CNTNAP1: variants seen among roughly 807,000 people sequenced by gnomAD.
The protein encoded by CNTNAP1 is contactin associated protein 1.
In CNTNAP1, 80 loss-of-function variants were observed where a neutral mutation model predicts 161.5. The ratio of observed to expected loss-of-function variants is 0.50; its 90% CI spans 0.41 to 0.60. CNTNAP1 has a LOEUF of 0.60. CNTNAP1 is among the 20% of genes least tolerant of loss of function. CNTNAP1 has a pLI of 0.00. For synonymous variants in CNTNAP1, 695 were observed against 733.1 expected (o/e 0.95, Z 0.84); for missense variants, 1,464 against 1,854.8 (o/e 0.79, Z 3.87).
Position 42,699,146 on chromosome 17 carries a change from G to T in CNTNAP1, c.*236G>T. 2.3e-6 allele frequency: 1 copy of T among 438,904 alleles called. No homozygotes were observed. Among genetic ancestry groups the T allele is most frequent in the Non-Finnish European group, 4.0e-6 (1 of 250,472 alleles). 27.2% of individuals were successfully genotyped at this position (438,904 alleles called of 1,614,324 possible). On this transcript the variant is annotated 3_prime_UTR_variant, in exon 24 of 24. Transcript: ENST00000264638. ...TCATCCCTGTTTCCCCAGGCTCCTG[G>T]CTGTTTATCTGCCCCAAAGGAGAAG...
chr17:42,695,564 C>T lies in CNTNAP1; in HGVS notation c.3036C>T (p.Asn1012=), dbSNP rs149244708. 13 of 1,613,582 alleles carry T rather than the reference C, an allele frequency of 8.1e-6. No individual in the cohort carries two copies. Among genetic ancestry groups the T allele is most frequent in the Middle Eastern group, 1.7e-4 (1 of 6,060 alleles). Reference sequence around the variant, plus strand: ...AGCCGGGCACCTGGATGCGCTATAACCTACAGTCAGCGCTGCGCTCTGCAG... The same window carrying T: ...AGCCGGGCACCTGGATGCGCTATAATCTACAGTCAGCGCTGCGCTCTGCAG... ...FFEPGTWMRY[N]LQSALRSAAR... is the part of the protein sequence containing the mutation. The change falls in exon 19 of 24, where the codon AAC becomes AAT. Residue 1012 remains asparagine (N), a synonymous_variant. Transcript: ENST00000264638.
chr17:42,682,993 C>T, intron 1 of CNTNAP1, 97 bp downstream of exon 1: 1 of 1,185,370 alleles, frequency 8.4e-7, no homozygotes, highest in African/African-American at 1.6e-5. Context: ...GTCGCGGGTC[C>T]TTCCCGGCCG....
Position 42,695,650 on chromosome 17 carries a change from C to G in CNTNAP1, c.3122C>G (p.Pro1041Arg), listed in dbSNP as rs765066448. 1 of 1,614,150 alleles carries G rather than the reference C, an allele frequency of 6.2e-7. No individual in the cohort carries two copies. Among genetic ancestry groups the G allele is most frequent in the Non-Finnish European group, 8.5e-7 (1 of 1,180,018 alleles). Residue 1041 changes from proline (P) to arginine (R), a missense_variant, in exon 19 of 24, where the codon CCG becomes CGG. Physicochemically the swap from Pro to Arg is moderately radical, Grantham distance 103. Around this residue, in one of 3 missense-constraint regions of CNTNAP1, gnomAD observed 1,383 missense variants for 1,765.0 expected, o/e 0.78. Transcript: ENST00000264638. ...CCAGGCTATGAGCCTGGCTACATCC[C>G]GGGCTATGATACTCCGGGCTATGTG... ...PVPGYEPGYI[P>R]GYDTPGYVPG...
At position 42,687,158 on chromosome 17, in the gene CNTNAP1, C is replaced by G. The variant is rs111833296; in HGVS notation, c.1044+112C>G. The G allele has an allele frequency of 2.1e-3, 2,997 of 1,435,918 alleles. 62 individuals carry two copies. The African/African-American group carries it at 0.039, about 19-fold the overall frequency. The allele number at this position is 1,435,918 out of a possible 1,614,324, so 88.9% of individuals were successfully genotyped here. ...AGATAAAAGCGGAGAATCCCTCTGT[C>G]CCCAGCCAGATGCTCAAGTTGGGAG... On this transcript the variant is annotated intron_variant, in intron 7 of 23. Coordinates refer to ENST00000264638, the MANE Select transcript of CNTNAP1 (RefSeq NM_003632.3). This position sits in a 1 kb window ranked among gnomAD's most constrained non-coding sequence, Gnocchi z 4.7.
rs1439006985 is a variant in CNTNAP1, at chr17:42,696,159, A to G, written c.3474+7A>G. On this transcript the variant is annotated splice_region_variant and intron_variant, in intron 20 of 23. Transcript: ENST00000264638. ...CCGGAACCTCTTCATCCAGGTATGCATAGAGGGAGGTGAGCCAGTTCAGAT... is the reference window on the plus strand; with the variant it reads ...CCGGAACCTCTTCATCCAGGTATGCGTAGAGGGAGGTGAGCCAGTTCAGAT... 2 of 1,613,996 alleles carry G rather than the reference A, an allele frequency of 1.2e-6. No homozygotes were observed. Among genetic ancestry groups the G allele is most frequent in the African/African-American group, 2.7e-5 (2 of 74,906 alleles).
chr17:42,688,658 G>T (rs773262858), intron 9 of CNTNAP1, 47 bp downstream of exon 9: 18 of 1,612,514 alleles, frequency 1.1e-5, no homozygotes, highest in East Asian at 6.7e-5. Flanking sequence ...GGGTGGGAAG[G>T]CTCCATCTAA....
Position 42,693,488 on chromosome 17 carries a change from A to G in CNTNAP1, c.2944A>G (p.Thr982Ala). Residue 982 changes from threonine to alanine, a missense_variant, in exon 18 of 24, where the codon ACG becomes GCG. Physicochemically the swap from Thr to Ala is moderately conservative, Grantham distance 58 (BLOSUM62 0). Coordinates refer to ENST00000264638, the MANE Select transcript of CNTNAP1 (RefSeq NM_003632.3). ...GRCVERYSYY[T>A]CDCDLTAFDG... ...CTGCGTGGAGCGCTATAGCTACTAC[A>G]CGTGTGACTGTGACCTCACGGCTTT... The G allele has an allele frequency of 1.2e-6, 2 of 1,614,210 alleles. No homozygotes were observed. The highest frequency in any genetic ancestry group is 1.7e-6 in the Non-Finnish European group (2 of 1,180,032).
At chr17:42,697,193 C>G in intron 20 of CNTNAP1, 81 bp from the exon 21 acceptor site, 1 of 993,192 alleles carries the variant, frequency 1.0e-6, no homozygotes, top group South Asian at 1.3e-5. Flanking sequence ...CCAGGGTCCA[C>G]ACAGTTCCAG....
intron 6 of CNTNAP1, among the ~76,000 whole-genome samples, chr17:42,686,487 T>TG (rs1278869218): frequency 0.048 from 7,103 of 146,462 alleles, 718 homozygotes; most frequent in African/African-American, 0.17. Context: ...TTTTTTTTTT[T>TG]TTTTTTGTGG....
intron 20 of CNTNAP1, among the ~76,000 whole-genome samples, chr17:42,696,986 C>A (rs1435857933): frequency 6.6e-6 from 1 of 151,758 alleles, no homozygotes; most frequent in Non-Finnish European, 1.5e-5. Context: ...CCAACCTGAG[C>A]AACATAGCAA....
intron 23 of CNTNAP1, 120 bp from the exon 24 acceptor site, chr17:42,698,498 G>C: frequency 1.3e-6 from 1 of 761,448 alleles, no homozygotes; most frequent in Middle Eastern, 3.8e-4. Context: ...AAATCCCAAA[G>C]TGTGTGTATG....
At position 42,686,884 on chromosome 17, in the gene CNTNAP1, T is replaced by C. The variant is rs1217882327; in HGVS notation, c.901-19T>C. The C allele has an allele frequency of 7.6e-6, 12 of 1,585,748 alleles. No homozygotes were observed. The East Asian group carries it at 1.6e-4, about 21-fold the overall frequency. On this transcript the variant is annotated intron_variant, in intron 6 of 23. Transcript: ENST00000264638. ...GCCCTCCTGTGCCCAAGAGGCCTCA[T>C]TCCCCACGCCTCCCGCAGATGTTCA...
rs1555644479 is a variant in CNTNAP1 at position 42,698,530 on chromosome 17, AGTGC to A, written c.3863-84_3863-81del. On this transcript the variant is annotated intron_variant, in intron 23 of 23. Transcript: ENST00000264638. Reference sequence around the variant, plus strand: ...TATGTATACAGGTGAAATCTCAAAGAGTGCGTGTGTGTGTGTGTGTGTGTGTGTG... The same window carrying A: ...TATGTATACAGGTGAAATCTCAAAGAGTGTGTGTGTGTGTGTGTGTGTGTG... 8 of 1,039,716 alleles carry A rather than the reference AGTGC, an allele frequency of 7.7e-6. No homozygotes were observed. The South Asian group carries it at 7.9e-5, about 10-fold the overall frequency. The allele number at this position is 1,039,716 out of a possible 1,614,324, so 64.4% of individuals were successfully genotyped here.
Position 42,687,591 on chromosome 17 carries a change from T to C in CNTNAP1, c.1045-129T>C, listed in dbSNP as rs933431474. ...GGAGGGGAAGAGGTCACGTCATGGTTGGAGATCTCACCCCCGCCAACACCG... is the reference window on the plus strand; with the variant it reads ...GGAGGGGAAGAGGTCACGTCATGGTCGGAGATCTCACCCCCGCCAACACCG... On this transcript the variant is annotated intron_variant, in intron 7 of 23. Transcript: ENST00000264638. This position sits in a 1 kb window ranked among gnomAD's most constrained non-coding sequence, Gnocchi z 4.7. 7.2e-6 allele frequency: 9 copies of C among 1,253,964 alleles called. No individual in the cohort carries two copies. Among genetic ancestry groups the C allele is most frequent in the Non-Finnish European group, 1.0e-5 (9 of 892,050 alleles). 77.7% of individuals were successfully genotyped at this position (1,253,964 alleles called of 1,614,324 possible). A position where few individuals can be genotyped will look rare whatever the true frequency, so the allele number is the denominator to read the frequency against.
At position 42,688,857 on chromosome 17, in the gene CNTNAP1, A is replaced by G. The variant is rs774659093; in HGVS notation, c.1457-19A>G. On this transcript the variant is annotated intron_variant, in intron 9 of 23. Coordinates refer to ENST00000264638, the MANE Select transcript of CNTNAP1 (RefSeq NM_003632.3). The stretch of plus-strand genomic sequence containing the variant: ...TGGGGTCTCCCCTGGGGAGGATCTC[A>G]CAGGGGTGGTTGCTCCAGGTTGTCC... The G allele has an allele frequency of 6.2e-7, 1 of 1,611,618 alleles. No individual in the cohort carries two copies. Among genetic ancestry groups the G allele is most frequent in the Admixed American group, 1.7e-5 (1 of 59,968 alleles).
Position 42,691,993 on chromosome 17 carries a change from T to A in CNTNAP1, c.2530+2T>A. On this transcript the variant is annotated splice_donor_variant, in intron 16 of 23. Coordinates refer to ENST00000264638, the MANE Select transcript of CNTNAP1 (RefSeq NM_003632.3). LOFTEE classifies it high-confidence loss of function. This position sits in a 1 kb window ranked among gnomAD's most constrained non-coding sequence, Gnocchi z 4.3. Reference sequence around the variant, plus strand: ...CTTATGTGCGGGTGGAACTCAACAGTGAGCAGGCAGACTGTGGGAGGGCCT... The same window carrying A: ...CTTATGTGCGGGTGGAACTCAACAGAGAGCAGGCAGACTGTGGGAGGGCCT... 1 of 1,612,924 alleles carries A rather than the reference T, an allele frequency of 6.2e-7. No homozygotes were observed. Among genetic ancestry groups the A allele is most frequent in the Non-Finnish European group, 8.5e-7 (1 of 1,179,054 alleles).
chr17:42,696,713 G>A (rs2053157376), intron 20 of CNTNAP1, among the ~76,000 whole-genome samples: 1 of 152,084 alleles, frequency 6.6e-6, no homozygotes, highest in Non-Finnish European at 1.5e-5. Flanking sequence ...GGGTGAGGCA[G>A]GAAAATTGCT....
At chr17:42,693,211 G>A (rs1259619534) in intron 17 of CNTNAP1, 86 bp from the exon 18 acceptor site, 51 of 1,501,364 alleles carry the variant, frequency 3.4e-5, no homozygotes, top group Admixed American at 5.3e-5. Context: ...CGCCCGCCTC[G>A]GCCTCCCAAA....
At position 42,687,602 on chromosome 17, in the gene CNTNAP1, C is replaced by A; in HGVS notation, c.1045-118C>A. ...GGTCACGTCATGGTTGGAGATCTCA[C>A]CCCCGCCAACACCGAAGGAGGGCGG... On this transcript the variant is annotated intron_variant, in intron 7 of 23. Transcript: ENST00000264638. The surrounding 1 kb of genome is among the most constrained non-coding windows in gnomAD (Gnocchi z 4.7). The A allele has an allele frequency of 1.5e-6, 2 of 1,344,276 alleles. No individual in the cohort carries two copies. The highest frequency in any genetic ancestry group is 2.1e-6 in the Non-Finnish European group (2 of 970,702). 83.3% of individuals were successfully genotyped at this position (1,344,276 alleles called of 1,614,324 possible).
Sources: allele counts gnomAD v4.1 joint callset (sites outside exome capture counted in the v4.1 genomes callset), GRCh38; gene constraint gnomAD v4.1.1; regional missense constraint gnomAD v4.1.1; non-coding constraint Gnocchi (gnomAD v3.1); transcripts MANE v1.5; gene names NCBI Gene and HGNC (gene_info 2026-07-23, HGNC 2026-07-21).